Variants in NSG2 observed in about 807,000 individuals in gnomAD.
NSG2 encodes the protein neuronal vesicle trafficking-associated protein 2.
In NSG2, 4 loss-of-function variants were observed where a neutral mutation model predicts 16.9. The ratio of observed to expected loss-of-function variants is 0.24; its 90% CI spans 0.12 to 0.54. NSG2 has a LOEUF of 0.54. Ranked by LOEUF, NSG2 falls within the 20% of genes least tolerant of loss-of-function variation. The pLI is 0.95. For synonymous variants in NSG2, 98 were observed against 88.7 expected, an observed-to-expected ratio of 1.11 and a Z score of -0.59; for missense variants, 179 against 221.1, an observed-to-expected ratio of 0.81 and a Z score of 1.21.
At position 174,106,283 on chromosome 5, in the gene NSG2, C is replaced by T. The variant is rs10050477; in HGVS notation, c.325-1031C>T. ...TGTTTGACATATTTAAAAATAAATACATGAGAAAAAACAAGAGGTTCGTTG... is the reference window on the plus strand; with the variant it reads ...TGTTTGACATATTTAAAAATAAATATATGAGAAAAAACAAGAGGTTCGTTG... On this transcript the variant is annotated intron_variant, in intron 4 of 4. Transcript: ENST00000303177. Among the ~76,000 whole-genome samples, 6 of 152,076 alleles carry T rather than the reference C, an allele frequency of 3.9e-5. No individual in the cohort carries two copies. In the South Asian group the frequency reaches 1.2e-3, roughly 32 times the overall value.
chr5:174,089,958 A>C (rs1234259887), intron 3 of NSG2, among the ~76,000 whole-genome samples: 1 of 152,282 alleles, frequency 6.6e-6, no homozygotes, highest in East Asian at 1.9e-4. Flanking sequence ...TCTGGGAGGC[A>C]GGAAGAGAAA....
chr5:174,046,782 C>T lies in NSG2; in HGVS notation c.27C>T (p.Ser9=), dbSNP rs760047342. The change falls in exon 2 of 5, where the codon AGC becomes AGT. Residue 9 remains serine (S), a synonymous_variant. Transcript: ENST00000303177. ...TGGTGAAGCTGAACAGTAACCCCAGCGAGAAGGGAACCAAGCCGCCTTCAG... is the reference window on the plus strand; with the variant it reads ...TGGTGAAGCTGAACAGTAACCCCAGTGAGAAGGGAACCAAGCCGCCTTCAG... The part of the protein sequence containing the change: MVKLNSNP[S]EKGTKPPSVE... The T allele has an allele frequency of 7.9e-5, 127 of 1,613,916 alleles. No homozygotes were observed. The highest frequency in any genetic ancestry group is 1.0e-4 in the Admixed American group (6 of 59,986).
At chr5:174,076,766 A>T (rs764763140) in intron 3 of NSG2, among the ~76,000 whole-genome samples, 1 of 152,200 alleles carries the variant, frequency 6.6e-6, no homozygotes, top group Non-Finnish European at 1.5e-5. Context: ...TGGTTGTCAC[A>T]GCTGGGGGTA....
At chr5:174,054,766 A>G (rs1319595386) in intron 2 of NSG2, among the ~76,000 whole-genome samples, 2 of 152,190 alleles carry the variant, frequency 1.3e-5, no homozygotes, top group Non-Finnish European at 2.9e-5. Flanking sequence ...ACTTTGACAC[A>G]CAGGGAGATC....
intron 3 of NSG2, among the ~76,000 whole-genome samples, chr5:174,083,612 G>T (rs531644342): frequency 6.6e-6 from 1 of 152,312 alleles, no homozygotes; most frequent in African/African-American, 2.4e-5. Flanking sequence ...TGCTTGCAAA[G>T]CTTCCTTGCA....
intron 3 of NSG2, among the ~76,000 whole-genome samples, chr5:174,077,171 T>C (rs1339000275): frequency 6.6e-6 from 1 of 152,230 alleles, no homozygotes; most frequent in Non-Finnish European, 1.5e-5. Context: ...CAAAATGTAC[T>C]TGATGCAATT....
chr5:174,058,839 C>T (rs540552004), intron 2 of NSG2, among the ~76,000 whole-genome samples: 3 of 152,342 alleles, frequency 2.0e-5, no homozygotes, highest in East Asian at 3.9e-4. Flanking sequence ...GTGTAGCAGC[C>T]TGAGTTGCTT....
intron 3 of NSG2, among the ~76,000 whole-genome samples, chr5:174,077,683 G>A (rs913781465): frequency 2.0e-5 from 3 of 152,020 alleles, no homozygotes; most frequent in African/African-American, 7.2e-5. Context: ...TCCTTTCTGG[G>A]ACTTTAATCA....
At position 174,107,180 on chromosome 5, in the gene NSG2, C is replaced by G. The variant is rs1760995678; in HGVS notation, c.325-134C>G. The G allele has an allele frequency of 1.5e-6, 1 of 680,484 alleles. No individual in the cohort carries two copies. The highest frequency in any genetic ancestry group is 3.1e-5 in the Admixed American group (1 of 32,220). 42.2% of individuals were successfully genotyped at this position (680,484 alleles called of 1,614,324 possible). A position where few individuals can be genotyped will look rare whatever the true frequency, so the allele number is the denominator to read the frequency against. ...TTGGGAAGGCTGCTGCGTGCCAGGC[C>G]CAGGTCAGGAGCTGTCACCTGCCCT... On this transcript the variant is annotated intron_variant, in intron 4 of 4. Coordinates refer to ENST00000303177, the MANE Select transcript of NSG2 (RefSeq NM_015980.5). The surrounding 1 kb of genome is among the most constrained non-coding windows in gnomAD (Gnocchi z 4.5).
intron 3 of NSG2, among the ~76,000 whole-genome samples, chr5:174,089,677 G>A (rs1016366757): frequency 6.6e-6 from 1 of 152,174 alleles, no homozygotes. Flanking sequence ...CCAGGCTGGG[G>A]TGCACGACTC....
intron 3 of NSG2, among the ~76,000 whole-genome samples, chr5:174,089,115 A>AC (rs1760680926): frequency 6.6e-6 from 1 of 152,172 alleles, no homozygotes; most frequent in African/African-American, 2.4e-5. Context: ...CTGGAATCCC[A>AC]CCACTCTTGC....
In NSG2 at chr5:174,097,613, TTCTC is replaced by T. The variant is rs977873751; in HGVS notation, c.214-6611_214-6608del. 2.8e-4 allele frequency among the ~76,000 whole-genome samples: 39 copies of T among 141,172 alleles called. 1 individual carries two copies. Among genetic ancestry groups the T allele is most frequent in the Non-Finnish European group, 3.7e-4 (24 of 64,594 alleles). 92.6% of individuals were successfully genotyped at this position (141,172 alleles called of 152,430 possible). A position where few individuals can be genotyped will look rare whatever the true frequency, so the allele number is the denominator to read the frequency against. ...TGTGTAACTGTGTGTGTGTCTGTGTTTCTCTCTGTGTGTGTCTCTGTGTGTGTGT... is the reference window on the plus strand; with the variant it reads ...TGTGTAACTGTGTGTGTGTCTGTGTTTCTGTGTGTGTCTCTGTGTGTGTGT... On this transcript the variant is annotated intron_variant, in intron 3 of 4. Transcript: ENST00000303177.
intron 3 of NSG2, among the ~76,000 whole-genome samples, chr5:174,066,475 G>C (rs1371093229): frequency 6.6e-6 from 1 of 152,154 alleles, no homozygotes; most frequent in African/African-American, 2.4e-5. Flanking sequence ...CAACTTTCTT[G>C]TGATTTCATA....
chr5:174,048,875 T>C (rs969107799), intron 2 of NSG2, among the ~76,000 whole-genome samples: 13 of 152,178 alleles, frequency 8.5e-5, no homozygotes, highest in African/African-American at 2.9e-4. Flanking sequence ...GTGAAGCCAA[T>C]TATCCTGAAA....
At chr5:174,051,255 C>T (rs112797014) in intron 2 of NSG2, among the ~76,000 whole-genome samples, 2,545 of 152,206 alleles carry the variant, frequency 0.017, 28 homozygotes, top group Middle Eastern at 0.024. Flanking sequence ...CCCAGTCCTG[C>T]CCCTGGGTAG....
At chr5:174,104,430 A>T in intron 4 of NSG2, 92 bp downstream of exon 4, 1 of 884,510 alleles carries the variant, frequency 1.1e-6, no homozygotes, top group South Asian at 1.4e-5. Flanking sequence ...AATTCTGGGT[A>T]TGACGACCTC....
chr5:174,056,437 C>T lies in NSG2; in HGVS notation c.130-7795C>T, dbSNP rs1446094374. 4 of 152,200 alleles carry T rather than the reference C, an allele frequency of 2.6e-5. No individual in the cohort carries two copies. In the East Asian group the frequency reaches 5.8e-4, roughly 22 times the overall value. 9.4% of individuals were successfully genotyped at this position (152,200 alleles called of 1,614,324 possible). ...ATTCTTGAGTTTGAATGTAGCTCAA[C>T]CCGAGGCCAGTCATTTGATCACAGG... On this transcript the variant is annotated intron_variant, in intron 2 of 4. Coordinates refer to ENST00000303177, the MANE Select transcript of NSG2 (RefSeq NM_015980.5).
intron 3 of NSG2, among the ~76,000 whole-genome samples, chr5:174,083,551 C>T (rs1482834607): frequency 2.6e-5 from 4 of 152,158 alleles, no homozygotes; most frequent in African/African-American, 4.8e-5. Flanking sequence ...CAAGCTCAGG[C>T]GAGAACTCAC....
chr5:174,077,659 A>G (rs1760369760), intron 3 of NSG2, among the ~76,000 whole-genome samples: 1 of 152,164 alleles, frequency 6.6e-6, no homozygotes, highest in South Asian at 2.1e-4. Context: ...CATTTTCAGA[A>G]AGGACTGACC....
Sources: gnomAD v4.1 joint callset for allele counts (sites outside exome capture counted in the v4.1 genomes callset) on GRCh38, gnomAD v4.1.1 for gene constraint, Gnocchi (gnomAD v3.1) non-coding constraint, MANE v1.5 for transcripts, NCBI Gene and HGNC (gene_info 2026-07-23, HGNC 2026-07-21) for gene names.